The following DPY19L4 variants were observed in gnomAD, a reference collection of about 807,000 sequenced individuals.
DPY19L4 encodes probable C-mannosyltransferase DPY19L4.
In DPY19L4, 97 loss-of-function variants were observed where a neutral mutation model predicts 102.8. The ratio of observed to expected loss-of-function variants is 0.94; its 90% CI spans 0.80 to 1.12. The LOEUF is 1.12. Among genes scored for constraint, DPY19L4 ranks in the 50% most tolerant of loss-of-function variants. The pLI is 0.00. For synonymous variants in DPY19L4, 252 were observed against 283.1 expected (o/e 0.89, Z 1.10); for missense variants, 815 against 850.4 (o/e 0.96, Z 0.52).
chr8:94,776,888 C>T (rs1383068461), intron 13 of DPY19L4, among the ~76,000 whole-genome samples: 1 of 150,666 alleles, frequency 6.6e-6, no homozygotes, highest in East Asian at 2.0e-4. Flanking sequence ...TCACTTGAAC[C>T]CAGAAGGCGG....
intron 6 of DPY19L4, among the ~76,000 whole-genome samples, chr8:94,753,417 C>T (rs935334147): frequency 6.6e-6 from 1 of 152,162 alleles, no homozygotes; most frequent in Non-Finnish European, 1.5e-5. Context: ...TATTGTTACA[C>T]ATATTGACAA....
In DPY19L4 at chr8:94,792,870, G is replaced by A. The variant is rs1203136488; in HGVS notation, c.*2960G>A. 6.6e-6 allele frequency: 1 copy of A among 152,096 alleles called. No homozygotes were observed. The highest frequency in any genetic ancestry group is 2.4e-5 in the African/African-American group (1 of 41,404). 9.4% of individuals were successfully genotyped at this position (152,096 alleles called of 1,614,324 possible). ...ACTCCATCTCAAAAAGAAAAAAAAAGTAGAGATGGGATCTCTAGCCTCCTA... is the reference window on the plus strand; with the variant it reads ...ACTCCATCTCAAAAAGAAAAAAAAAATAGAGATGGGATCTCTAGCCTCCTA... On this transcript the variant is annotated 3_prime_UTR_variant, in exon 19 of 19. Coordinates refer to ENST00000414645, the MANE Select transcript of DPY19L4 (RefSeq NM_181787.3).
chr8:94,726,732 T>C (rs1207416529), intron 2 of DPY19L4, among the ~76,000 whole-genome samples: 2 of 152,196 alleles, frequency 1.3e-5, no homozygotes, highest in African/African-American at 2.4e-5. Context: ...GGCAGAATCA[T>C]GCAATGTCTC....
intron 12 of DPY19L4, among the ~76,000 whole-genome samples, chr8:94,769,054 G>C (rs1812806054): frequency 7.2e-6 from 1 of 138,382 alleles, no homozygotes; most frequent in Non-Finnish European, 1.6e-5. Flanking sequence ...TTTAAACTTA[G>C]TTTTTTTGTT....
intron 3 of DPY19L4, among the ~76,000 whole-genome samples, chr8:94,736,970 A>T (rs1811214462): frequency 1.3e-5 from 2 of 152,184 alleles, no homozygotes; most frequent in African/African-American, 4.8e-5. Flanking sequence ...TATGTTATAT[A>T]TAACAAGTGA....
chr8:94,762,073 A>C (rs1408666368), intron 8 of DPY19L4, among the ~76,000 whole-genome samples: 1 of 152,236 alleles, frequency 6.6e-6, no homozygotes, highest in Non-Finnish European at 1.5e-5. Flanking sequence ...CAACTGCAGA[A>C]AGCAGTTAAC....
chr8:94,751,997 A>G (rs1377716225), intron 6 of DPY19L4, among the ~76,000 whole-genome samples: 1 of 152,158 alleles, frequency 6.6e-6, no homozygotes, highest in Non-Finnish European at 1.5e-5. Context: ...TAGTGCATTT[A>G]TTCAGATACT....
At chr8:94,748,498 G>GA (rs1811775794) in intron 6 of DPY19L4, among the ~76,000 whole-genome samples, 1 of 152,108 alleles carries the variant, frequency 6.6e-6, no homozygotes, top group African/African-American at 2.4e-5. Context: ...AATATTATAT[G>GA]AAAATAGGTC....
intron 6 of DPY19L4, among the ~76,000 whole-genome samples, chr8:94,750,517 T>G (rs934186174): frequency 6.6e-6 from 1 of 152,170 alleles, no homozygotes; most frequent in Non-Finnish European, 1.5e-5. Context: ...TTTTGTTTCA[T>G]TTGACTCTCA....
intron 8 of DPY19L4, among the ~76,000 whole-genome samples, chr8:94,764,687 G>GTC (rs1812565403): frequency 4.0e-5 from 3 of 75,484 alleles, no homozygotes; most frequent in African/African-American, 2.2e-4. Flanking sequence ...GTGTCTGTGT[G>GTC]TGTATATATA....
At chr8:94,783,551 C>A in intron 16 of DPY19L4, 119 bp from the exon 17 acceptor site, 1 of 1,322,266 alleles carries the variant, frequency 7.6e-7, no homozygotes, top group Non-Finnish European at 1.0e-6. Flanking sequence ...TGAAAACTGG[C>A]ATTGAAACTG....
intron 13 of DPY19L4, among the ~76,000 whole-genome samples, chr8:94,775,147 T>G (rs1270967153): frequency 6.6e-6 from 1 of 152,066 alleles, no homozygotes; most frequent in African/African-American, 2.4e-5. Context: ...AAAACCATTG[T>G]GCCCCTAGAT....
chr8:94,744,699 C>G (rs1039724622), intron 6 of DPY19L4: 2 of 372,720 alleles, frequency 5.4e-6, no homozygotes, highest in Non-Finnish European at 1.1e-5. Context: ...CTCTCTTATG[C>G]TACTTAAACA....
chr8:94,764,667 G>A (rs1233791066), intron 8 of DPY19L4, among the ~76,000 whole-genome samples: 2 of 103,762 alleles, frequency 1.9e-5, no homozygotes, highest in African/African-American at 4.5e-5. Context: ...GTATGTATGC[G>A]TGTGTGTGTG....
At chr8:94,731,684 G>C (rs2130798684) in intron 2 of DPY19L4, among the ~76,000 whole-genome samples, 1 of 152,294 alleles carries the variant, frequency 6.6e-6, no homozygotes, top group Admixed American at 6.5e-5. Context: ...CCAAAAAGCT[G>C]GGATTACAGG....
chr8:94,738,807 C>T lies in DPY19L4; in HGVS notation c.343+348C>T, dbSNP rs375462125. 3.9e-5 allele frequency among the ~76,000 whole-genome samples: 6 copies of T among 152,024 alleles called. No individual in the cohort carries two copies. In the East Asian group the frequency reaches 5.8e-4, roughly 15 times the overall value. On this transcript the variant is annotated intron_variant, in intron 4 of 18. Coordinates refer to ENST00000414645, the MANE Select transcript of DPY19L4 (RefSeq NM_181787.3). ...GATTACAGGTGTGAACCACTGCGCC[C>T]GGCTGTAATATCAATATTTTTCTTA...
intron 6 of DPY19L4, among the ~76,000 whole-genome samples, chr8:94,748,799 G>C (rs1434089427): frequency 6.6e-6 from 1 of 152,178 alleles, no homozygotes; most frequent in Non-Finnish European, 1.5e-5. Flanking sequence ...AGGGATCTAG[G>C]TTGTGTGCTC....
In DPY19L4 at chr8:94,768,489, TTC is replaced by T. The variant is rs765510732; in HGVS notation, c.1272_1273del (p.Phe424LeufsTer18). On this transcript the variant is annotated frameshift_variant, in exon 12 of 19. Transcript: ENST00000414645. LOFTEE classifies it high-confidence loss of function. ...ATTGACACAGTCTTCTTTATTACCT[TTC>T]TACATTCTAGTGTTAATTATTTGTT... ...LRLTQSSLLP[F>X]YILVLIICFL... The T allele has an allele frequency of 8.8e-6, 14 of 1,593,364 alleles. No individual in the cohort carries two copies. Among genetic ancestry groups the T allele is most frequent in the Admixed American group, 5.1e-5 (3 of 58,790 alleles).
chr8:94,777,504 C>G (rs1428313894), intron 13 of DPY19L4, among the ~76,000 whole-genome samples, 162 bp from the exon 14 acceptor site: 1 of 152,176 alleles, frequency 6.6e-6, no homozygotes, highest in Non-Finnish European at 1.5e-5. Context: ...TTTTAAAAAA[C>G]TGGATAACAA....
Sources: gnomAD v4.1 joint callset for allele counts (sites outside exome capture counted in the v4.1 genomes callset) on GRCh38, gnomAD v4.1.1 for gene constraint, MANE v1.5 for transcripts, NCBI Gene and HGNC (gene_info 2026-07-23, HGNC 2026-07-21) for gene names.